The following KATNIP variants were observed in gnomAD, a reference collection of about 807,000 sequenced individuals.
KATNIP encodes katanin-interacting protein.
A neutral mutation model predicts 174.0 loss-of-function variants in KATNIP; 126 were observed. That is an observed-to-expected ratio of 0.72 (90% CI 0.63 to 0.84). The LOEUF (loss-of-function observed/expected upper bound fraction) is 0.84. Ranked by LOEUF, KATNIP falls within the 40% of genes least tolerant of loss-of-function variation. The pLI, the probability that KATNIP is intolerant of heterozygous loss-of-function variation, is 0.00. For missense variants in KATNIP, 1,958 were observed against 2,109.7 expected, an observed-to-expected ratio of 0.93 and a Z score of 1.41; for synonymous variants, 810 against 835.7, an observed-to-expected ratio of 0.97 and a Z score of 0.53.
chr16:27,648,501 T>C (rs2077027052), intron 5 of KATNIP, 103 bp from the exon 6 acceptor site: 1 of 1,380,004 alleles, frequency 7.2e-7, no homozygotes, highest in Admixed American at 1.9e-5. Context: ...ATGGTATCTA[T>C]GCCCATAGAT....
At chr16:27,728,247 A>G (rs2080526531) in intron 14 of KATNIP, among the ~76,000 whole-genome samples, 1 of 152,234 alleles carries the variant, frequency 6.6e-6, no homozygotes, top group African/African-American at 2.4e-5. Context: ...GGCTTGGTCT[A>G]GGCCACTGCC....
chr16:27,695,036 T>C (rs2078867354), intron 8 of KATNIP, among the ~76,000 whole-genome samples: 1 of 152,164 alleles, frequency 6.6e-6, no homozygotes, highest in Non-Finnish European at 1.5e-5. Context: ...TGGAGTCACC[T>C]GTAACTCCTC....
At chr16:27,679,121 G>C (rs1300833445) in intron 7 of KATNIP, 2 of 152,260 alleles carry the variant, frequency 1.3e-5, no homozygotes, top group East Asian at 1.9e-4. Flanking sequence ...ATCAGACAGT[G>C]TGTCAGTTTG....
chr16:27,690,124 G>A (rs2078662957), intron 8 of KATNIP, among the ~76,000 whole-genome samples: 1 of 151,892 alleles, frequency 6.6e-6, no homozygotes, highest in Non-Finnish European at 1.5e-5. Context: ...GCAACAAAGT[G>A]ATACCTCATC....
intron 5 of KATNIP, among the ~76,000 whole-genome samples, chr16:27,645,740 G>A (rs755020995): frequency 7.9e-5 from 12 of 152,128 alleles, no homozygotes; most frequent in East Asian, 1.9e-4. Context: ...TCCACATTCC[G>A]GTCAGGAAGA....
rs74016093 is a variant in KATNIP at position 27,559,186 on chromosome 16, A to G, written c.7+9009A>G. The stretch of plus-strand genomic sequence containing the variant: ...AGAGCACTTTATGTAAAAGTAAGAA[A>G]GTGTGACTACTGATGTCCCATGGGG... On this transcript the variant is annotated intron_variant, in intron 1 of 27. Coordinates refer to ENST00000261588, the MANE Select transcript of KATNIP (RefSeq NM_015202.5). Among the ~76,000 whole-genome samples, 380 of 152,298 alleles carry G rather than the reference A, an allele frequency of 2.5e-3. 2 individuals carry two copies. The highest frequency in any genetic ancestry group is 8.7e-3 in the African/African-American group (361 of 41,550).
intron 13 of KATNIP, among the ~76,000 whole-genome samples, chr16:27,719,293 C>T (rs968095251): frequency 6.6e-6 from 1 of 152,198 alleles, no homozygotes; most frequent in African/African-American, 2.4e-5. Context: ...AGGAAACGGC[C>T]ATCAGGGCTC....
At chr16:27,601,239 A>G (rs1445144498) in intron 2 of KATNIP, among the ~76,000 whole-genome samples, 2 of 151,928 alleles carry the variant, frequency 1.3e-5, no homozygotes, top group Non-Finnish European at 2.9e-5. Flanking sequence ...GCAAGCTCGC[A>G]TTGTCCCTGC....
At chr16:27,708,604 T>C in intron 12 of KATNIP, 101 bp from the exon 13 acceptor site, 1 of 818,334 alleles carries the variant, frequency 1.2e-6, no homozygotes, top group Non-Finnish European at 2.0e-6. Context: ...ACTGAGACCC[T>C]GAAGGTTAAC....
intron 13 of KATNIP, among the ~76,000 whole-genome samples, chr16:27,714,105 A>G (rs1044042804): frequency 2.6e-5 from 4 of 151,474 alleles, no homozygotes; most frequent in African/African-American, 9.7e-5. Context: ...CCAGTTTTTC[A>G]CATTGCTTCT....
chr16:27,591,598 G>A (rs764047863), intron 2 of KATNIP, among the ~76,000 whole-genome samples: 15 of 152,180 alleles, frequency 9.9e-5, no homozygotes, highest in Non-Finnish European at 1.9e-4. Context: ...TGGGGATAAT[G>A]ATAATAATAC....
chr16:27,627,511 G>T (rs145662815), intron 3 of KATNIP, among the ~76,000 whole-genome samples: 1 of 152,150 alleles, frequency 6.6e-6, no homozygotes, highest in South Asian at 2.1e-4. Flanking sequence ...TGTGTTGATT[G>T]GTTCATGAAA....
At chr16:27,608,461 G>A (rs541106783) in intron 2 of KATNIP, among the ~76,000 whole-genome samples, 6 of 134,468 alleles carry the variant, frequency 4.5e-5, no homozygotes, top group African/African-American at 1.7e-4. Context: ...TGCCCAGGCT[G>A]ATCTCAAACC....
chr16:27,729,904 T>C (rs895270080), intron 14 of KATNIP, among the ~76,000 whole-genome samples: 4 of 152,224 alleles, frequency 2.6e-5, no homozygotes, highest in Non-Finnish European at 5.9e-5. Context: ...TGCTGCATGA[T>C]ACCTCATTCC....
At chr16:27,755,469 T>G (rs1320366545) in intron 18 of KATNIP, 1 of 152,328 alleles carries the variant, frequency 6.6e-6, no homozygotes, top group Non-Finnish European at 1.5e-5. Flanking sequence ...GGTCTGCGGT[T>G]CAGCCACTTC....
chr16:27,563,244 C>G (rs1487565345), intron 1 of KATNIP, among the ~76,000 whole-genome samples: 1 of 152,118 alleles, frequency 6.6e-6, no homozygotes, highest in African/African-American at 2.4e-5. Flanking sequence ...TGGTTTTAAG[C>G]TGAAATCTCA....
chr16:27,634,152 G>A (rs1340123006), intron 5 of KATNIP, among the ~76,000 whole-genome samples: 2 of 152,126 alleles, frequency 1.3e-5, no homozygotes, highest in Non-Finnish European at 2.9e-5. Flanking sequence ...TAAAAAACTT[G>A]GCCTAAGATT....
At chr16:27,632,706 T>C (rs2076525377) in intron 5 of KATNIP, 7 of 446,662 alleles carry the variant, frequency 1.6e-5, no homozygotes, top group Admixed American at 9.5e-5. Context: ...AGGCTGTTGG[T>C]TGATACCAGT....
chr16:27,738,124 AAC>A (rs2080965426), intron 14 of KATNIP, among the ~76,000 whole-genome samples: 2 of 152,216 alleles, frequency 1.3e-5, no homozygotes, highest in African/African-American at 4.8e-5. Context: ...CAGTTCCCAT[AAC>A]ACAGGTGAAT....
Sources: gnomAD v4.1 joint callset for allele counts (sites outside exome capture counted in the v4.1 genomes callset) on GRCh38, gnomAD v4.1.1 for gene constraint, MANE v1.5 for transcripts, NCBI Gene and HGNC (gene_info 2026-07-23, HGNC 2026-07-21) for gene names.